Variants in NUCB2 observed in about 807,000 individuals in gnomAD.
NUCB2 encodes nucleobindin-2.
In NUCB2, 48 loss-of-function variants were observed where a neutral mutation model predicts 57.9. That is an observed-to-expected ratio of 0.83 (90% CI 0.66 to 1.05). The LOEUF (loss-of-function observed/expected upper bound fraction) is 1.05. Ranked by LOEUF, NUCB2 falls within the 50% of genes least tolerant of loss-of-function variation. The probability of loss-of-function intolerance (pLI) is 0.00; values close to 1 mark genes in which losing one functional copy is unlikely to be tolerated. For synonymous variants in NUCB2, 139 were observed against 152.1 expected (o/e 0.91, Z 0.64); for missense variants, 442 against 476.2 (o/e 0.93, Z 0.67).
intron 2 of NUCB2, among the ~76,000 whole-genome samples, chr11:17,295,012 C>T (rs1040143080): frequency 1.3e-5 from 2 of 152,120 alleles, no homozygotes; most frequent in African/African-American, 2.4e-5. Flanking sequence ...CGTACCATTG[C>T]ACTCCAGCCT....
At chr11:17,345,429 C>T (rs546886763) in intron 2 of NUCB2, among the ~76,000 whole-genome samples, 1 of 152,196 alleles carries the variant, frequency 6.6e-6, no homozygotes, top group East Asian at 1.9e-4. Flanking sequence ...ACCTTTTTGG[C>T]TGGGTGCGGT....
chr11:17,310,640 G>A (rs900250344), intron 6 of NUCB2, among the ~76,000 whole-genome samples, 185 bp from the exon 7 acceptor site: 4 of 140,222 alleles, frequency 2.9e-5, no homozygotes, highest in Admixed American at 6.9e-5. Context: ...GTGAAACTCC[G>A]TCTCAAAAAA....
chr11:17,294,992 G>A (rs1411560683), intron 2 of NUCB2, among the ~76,000 whole-genome samples: 1 of 152,108 alleles, frequency 6.6e-6, no homozygotes, highest in Non-Finnish European at 1.5e-5. Flanking sequence ...AGGTTGGGGT[G>A]AGCAGTGATC....
At chr11:17,303,235 A>G (rs1947061128) in intron 5 of NUCB2, among the ~76,000 whole-genome samples, 2 of 152,168 alleles carry the variant, frequency 1.3e-5, no homozygotes, top group Admixed American at 1.3e-4. Context: ...CAGATTGTCA[A>G]TTCTATTTAA....
chr11:17,285,604 C>T (rs375091522), intron 2 of NUCB2, among the ~76,000 whole-genome samples: 3 of 148,960 alleles, frequency 2.0e-5, no homozygotes, highest in African/African-American at 5.0e-5. Context: ...ATTAGCTGGG[C>T]GTGGTGGCGG....
At chr11:17,296,336 G>A in intron 4 of NUCB2, 125 bp downstream of exon 4, 1 of 474,034 alleles carries the variant, frequency 2.1e-6, no homozygotes, top group South Asian at 3.9e-5. Flanking sequence ...TCCCACCTCA[G>A]TCTCTCCAGT....
At position 17,285,198 on chromosome 11, in the gene NUCB2, C is replaced by T. The variant is rs187375207; in HGVS notation, c.-1+2255C>T. On this transcript the variant is annotated intron_variant, in intron 2 of 13. Transcript: ENST00000529010. ...ATCCCAGCACTTTGGGAGGCCAAGG[C>T]GGGCAGATCACAAGGTCAGGAGATC... Among the ~76,000 whole-genome samples the T allele has an allele frequency of 4.7e-3, 720 of 152,114 alleles. 1 individual carries two copies. Among genetic ancestry groups the T allele is most frequent in the Middle Eastern group, 0.014 (4 of 294 alleles).
chr11:17,296,274 G>A, intron 4 of NUCB2, 63 bp downstream of exon 4: 1 of 994,000 alleles, frequency 1.0e-6, no homozygotes, highest in Non-Finnish European at 1.4e-6. Flanking sequence ...TTAGAGATGA[G>A]GTCTCACCAT....
chr11:17,322,563 C>T (rs1950157910), intron 11 of NUCB2, among the ~76,000 whole-genome samples: 1 of 151,780 alleles, frequency 6.6e-6, no homozygotes, highest in Non-Finnish European at 1.5e-5. Flanking sequence ...TTTGGTTATT[C>T]TAGGTCTTTT....
intron 2 of NUCB2, among the ~76,000 whole-genome samples, chr11:17,345,656 G>A (rs976378193): frequency 6.6e-6 from 1 of 152,098 alleles, no homozygotes; most frequent in Non-Finnish European, 1.5e-5. Flanking sequence ...GCAGTGAGCC[G>A]ATAACGCACC....
rs1591589215 is a variant in NUCB2 at position 17,330,602 on chromosome 11, A to G, written c.1174-300A>G. ...TCCCACCTCAGCCTCCCCAGTAGCT[A>G]GGACTACAGGTGCATGCCAGTGTTC... On this transcript the variant is annotated intron_variant, in intron 12 of 13. Coordinates refer to ENST00000529010, the MANE Select transcript of NUCB2 (RefSeq NM_005013.4). This position sits in a 1 kb window ranked among gnomAD's most constrained non-coding sequence, Gnocchi z 4.3. 6.6e-6 allele frequency among the ~76,000 whole-genome samples: 1 copy of G among 152,060 alleles called. No individual in the cohort carries two copies. The highest frequency in any genetic ancestry group is 2.4e-5 in the African/African-American group (1 of 41,408).
At position 17,330,047 on chromosome 11, in the gene NUCB2, T is replaced by A. The variant is rs1951193605; in HGVS notation, c.1003-80T>A. The A allele has an allele frequency of 2.6e-6, 2 of 776,792 alleles. No individual in the cohort carries two copies. The highest frequency in any genetic ancestry group is 4.0e-6 in the Non-Finnish European group (2 of 496,488). The allele number at this position is 776,792 out of a possible 1,614,324, so 48.1% of individuals were successfully genotyped here. A position where few individuals can be genotyped will look rare whatever the true frequency, so the allele number is the denominator to read the frequency against. ...CTATAGATACTCTTTTATACTTTGCTAACCATAGAATTTTAAAGCTAAATC... is the reference window on the plus strand; with the variant it reads ...CTATAGATACTCTTTTATACTTTGCAAACCATAGAATTTTAAAGCTAAATC... On this transcript the variant is annotated intron_variant, in intron 11 of 13. Transcript: ENST00000529010. The surrounding 1 kb of genome is among the most constrained non-coding windows in gnomAD (Gnocchi z 4.3).
At chr11:17,288,963 A>ATATTTTT (rs753006566) in intron 2 of NUCB2, among the ~76,000 whole-genome samples, 1 of 68,100 alleles carries the variant, frequency 1.5e-5, no homozygotes, top group African/African-American at 6.9e-5. Context: ...ATATATATAT[A>ATATTTTT]TTTTTTTTTT....
At chr11:17,336,021 T>C (rs1018546837), downstream of NUCB2, among the ~76,000 whole-genome samples, 2 of 152,230 alleles carry the variant, frequency 1.3e-5, no homozygotes, top group African/African-American at 4.8e-5. Flanking sequence ...GAGCATTCCT[T>C]ATCCACGGTG....
In NUCB2 at chr11:17,332,055, A is replaced by C. The variant is rs1214543020; in HGVS notation, c.*636A>C. ...TATGTTACATATAACAGAAAAAACA[A>C]AGATAACAGTGGTTTAAACTAAATA... On this transcript the variant is annotated 3_prime_UTR_variant, in exon 14 of 14. Transcript: ENST00000529010. 6.6e-6 allele frequency: 1 copy of C among 152,210 alleles called. No individual in the cohort carries two copies. Among genetic ancestry groups the C allele is most frequent in the Non-Finnish European group, 1.5e-5 (1 of 68,050 alleles). 9.4% of individuals were successfully genotyped at this position (152,210 alleles called of 1,614,324 possible).
intron 1 of NUCB2, among the ~76,000 whole-genome samples, chr11:17,279,982 G>T (rs1380094008): frequency 6.6e-6 from 1 of 151,934 alleles, no homozygotes; most frequent in Non-Finnish European, 1.5e-5. Context: ...TTGTAGAGAA[G>T]AGGCCTCGCC....
At chr11:17,326,462 C>T (rs1352480029) in intron 11 of NUCB2, among the ~76,000 whole-genome samples, 1 of 150,720 alleles carries the variant, frequency 6.6e-6, no homozygotes, top group Non-Finnish European at 1.5e-5. Context: ...GGATTACAGG[C>T]ATGTGCCACC....
intron 2 of NUCB2, among the ~76,000 whole-genome samples, chr11:17,347,969 G>A (rs923170993): frequency 6.6e-6 from 1 of 152,164 alleles, no homozygotes; most frequent in African/African-American, 2.4e-5. Context: ...ATAATTTTAT[G>A]TCTTTTGAAT....
chr11:17,338,394 C>T (rs1951979174), intron 2 of NUCB2, among the ~76,000 whole-genome samples: 1 of 152,164 alleles, frequency 6.6e-6, no homozygotes. Flanking sequence ...GTGCACTTCT[C>T]TTTCTCTGCT....
Sources: allele counts gnomAD v4.1 joint callset (sites outside exome capture counted in the v4.1 genomes callset), GRCh38; gene constraint gnomAD v4.1.1; non-coding constraint Gnocchi (gnomAD v3.1); transcripts MANE v1.5; gene names NCBI Gene and HGNC (gene_info 2026-07-23, HGNC 2026-07-21).